Variants in AKAP12 observed in about 807,000 individuals in gnomAD.
AKAP12 encodes A-kinase anchor protein 12.
AKAP12 carries 32 observed loss-of-function variants against 79.9 expected under a neutral mutation model. The observed-to-expected ratio is 0.40, with a 90% CI of 0.30 to 0.54. The LOEUF (loss-of-function observed/expected upper bound fraction) is 0.54, where lower values mean the gene tolerates loss of function less well. Ranked by LOEUF, AKAP12 falls within the 20% of genes least tolerant of loss-of-function variation. The pLI, the probability that AKAP12 is intolerant of heterozygous loss-of-function variation, is 0.48. For missense variants in AKAP12, 2,074 were observed against 2,177.0 expected (o/e 0.95, Z 0.94); for synonymous variants, 808 against 857.0 (o/e 0.94, Z 1.00).
intron 3 of AKAP12, among the ~76,000 whole-genome samples, chr6:151,333,889 G>GA (rs953753101): frequency 1.3e-5 from 2 of 152,012 alleles, no homozygotes; most frequent in Admixed American, 1.3e-4. Context: ...TGGGGAAAGC[G>GA]AAAAAAGTGA....
chr6:151,254,035 A>T (rs1012750152), intron 2 of AKAP12, among the ~76,000 whole-genome samples: 3 of 152,146 alleles, frequency 2.0e-5, no homozygotes, highest in Non-Finnish European at 4.4e-5. Context: ...TCCAATACTT[A>T]GACATGAGTT....
intron 3 of AKAP12, among the ~76,000 whole-genome samples, chr6:151,321,538 C>G (rs1777387809): frequency 1.3e-5 from 2 of 150,874 alleles, no homozygotes; most frequent in Admixed American, 6.6e-5. Flanking sequence ...CTTTTTATTA[C>G]TAACCCATTT....
At chr6:151,269,688 A>G (rs1324165402) in intron 2 of AKAP12, among the ~76,000 whole-genome samples, 1 of 152,236 alleles carries the variant, frequency 6.6e-6, no homozygotes, top group Non-Finnish European at 1.5e-5. Context: ...CAATTGCTGG[A>G]AAAGTATTAA....
intron 2 of AKAP12, among the ~76,000 whole-genome samples, chr6:151,252,453 C>T (rs1797199422): frequency 1.3e-5 from 2 of 151,962 alleles, no homozygotes; most frequent in Non-Finnish European, 2.9e-5. Context: ...GTTTTGGCCT[C>T]CCAAAGTGCT....
At chr6:151,327,654 G>T (rs1231998828) in intron 3 of AKAP12, among the ~76,000 whole-genome samples, 1 of 152,196 alleles carries the variant, frequency 6.6e-6, no homozygotes, top group Non-Finnish European at 1.5e-5. Context: ...TAAACTGGGA[G>T]CACTTGAGGG....
At chr6:151,334,367 G>A (rs1777756087) in intron 3 of AKAP12, among the ~76,000 whole-genome samples, 1 of 152,064 alleles carries the variant, frequency 6.6e-6, no homozygotes, top group Non-Finnish European at 1.5e-5. Context: ...GCCGAGGCAG[G>A]TGGATCACCT....
At chr6:151,255,301 G>T (rs993731107) in intron 2 of AKAP12, among the ~76,000 whole-genome samples, 1 of 152,038 alleles carries the variant, frequency 6.6e-6, no homozygotes, top group African/African-American at 2.4e-5. Context: ...GAGTAGCTGG[G>T]ATTACAGGCA....
intron 3 of AKAP12, among the ~76,000 whole-genome samples, chr6:151,330,708 A>G (rs934282743): frequency 2.6e-5 from 4 of 152,196 alleles, no homozygotes; most frequent in East Asian, 1.9e-4. Flanking sequence ...ATTTTGTAGT[A>G]TATAATCAAC....
chr6:151,337,828 A>G (rs570476703), intron 3 of AKAP12, among the ~76,000 whole-genome samples: 82 of 152,190 alleles, frequency 5.4e-4, no homozygotes, highest in African/African-American at 1.9e-3. Flanking sequence ...GATTGCTTTG[A>G]GCTCAGGAGT....
chr6:151,245,787 A>G (rs1797063365), intron 2 of AKAP12, among the ~76,000 whole-genome samples: 1 of 152,116 alleles, frequency 6.6e-6, no homozygotes, highest in South Asian at 2.1e-4. Flanking sequence ...ACTTAAATTT[A>G]TAAGTAGGGT....
intron 2 of AKAP12, among the ~76,000 whole-genome samples, chr6:151,280,899 T>C (rs943569131): frequency 6.6e-6 from 1 of 152,234 alleles, no homozygotes; most frequent in African/African-American, 2.4e-5. Context: ...CTTTGACTTT[T>C]GACTGAGTTG....
chr6:151,284,694 A>G (rs1215022744), intron 2 of AKAP12, among the ~76,000 whole-genome samples: 1 of 152,188 alleles, frequency 6.6e-6, no homozygotes, highest in African/African-American at 2.4e-5. Flanking sequence ...CTTCCCTGCC[A>G]TTGGTACTTT....
intron 2 of AKAP12, among the ~76,000 whole-genome samples, chr6:151,271,828 T>TTTTGTATTTTTAG (rs1776189001): frequency 6.6e-6 from 1 of 151,592 alleles, no homozygotes; most frequent in East Asian, 2.0e-4. Context: ...CCCAGCTAAT[T>TTTTGTATTTTTAG]TTTGTATTTT....
rs532948459 is a variant in AKAP12 at position 151,310,472 on chromosome 6, G to C, written c.319+4569G>C. Among the ~76,000 whole-genome samples, 108 of 152,240 alleles carry C rather than the reference G, an allele frequency of 7.1e-4. 1 individual carries two copies. Among genetic ancestry groups the C allele is most frequent in the African/African-American group, 2.6e-3 (107 of 41,536 alleles). ...TTTAAAAGTTTTGCAGGCTGGGGGC[G>C]GTGGCTCACGCCTGTAATCACAGCC... On this transcript the variant is annotated intron_variant, in intron 3 of 4. Coordinates refer to ENST00000402676, the MANE Select transcript of AKAP12 (RefSeq NM_005100.4).
chr6:151,281,486 G>T (rs1489351221), intron 2 of AKAP12, among the ~76,000 whole-genome samples: 3 of 152,048 alleles, frequency 2.0e-5, no homozygotes, highest in African/African-American at 7.2e-5. Context: ...TATCTTTTGA[G>T]GTCTTCTTAT....
chr6:151,323,669 G>T (rs1427617676), intron 3 of AKAP12: 7 of 979,110 alleles, frequency 7.1e-6, no homozygotes, highest in Admixed American at 6.1e-5. Context: ...GTTGTTTAGG[G>T]TATTAAATGT....
intron 3 of AKAP12, among the ~76,000 whole-genome samples, chr6:151,329,376 A>T (rs1263552478): frequency 6.6e-6 from 1 of 152,186 alleles, no homozygotes; most frequent in African/African-American, 2.4e-5. Context: ...TCAGCCTCCC[A>T]AAGTGGTGTG....
intron 2 of AKAP12, among the ~76,000 whole-genome samples, chr6:151,260,267 A>G (rs1483076174): frequency 2.0e-5 from 3 of 152,168 alleles, no homozygotes; most frequent in Admixed American, 6.6e-5. Flanking sequence ...AAAATGAGCC[A>G]GTAGAGTGGA....
intron 2 of AKAP12, among the ~76,000 whole-genome samples, chr6:151,261,712 G>A (rs1020867173): frequency 6.7e-6 from 1 of 148,372 alleles, no homozygotes. Flanking sequence ...AAACAAACAA[G>A]AACAACAGTG....
Sources: gnomAD v4.1 joint callset for allele counts (sites outside exome capture counted in the v4.1 genomes callset) on GRCh38, gnomAD v4.1.1 for gene constraint, MANE v1.5 for transcripts, NCBI Gene and HGNC (gene_info 2026-07-23, HGNC 2026-07-21) for gene names.